RBFOX1: variants seen among roughly 807,000 people sequenced by gnomAD.
RBFOX1 encodes the protein RNA binding protein fox-1 homolog 1.
Under a neutral mutation model 57.7 loss-of-function variants are expected in RBFOX1, and 8 were observed. The observed-to-expected ratio is 0.14, with a 90% CI of 0.08 to 0.25. The LOEUF (loss-of-function observed/expected upper bound fraction) is 0.25, where lower values mean the gene tolerates loss of function less well. Ranked by LOEUF, RBFOX1 falls within the 10% of genes least tolerant of loss-of-function variation. The pLI is 1.00. For synonymous variants in RBFOX1, 326 were observed against 222.4 expected, an observed-to-expected ratio of 1.47 and a Z score of -4.15; for missense variants, 611 against 548.5, an observed-to-expected ratio of 1.11 and a Z score of -1.14.
chr16:6,393,004 C>T (rs894322258), intron 2 of RBFOX1, among the ~76,000 whole-genome samples: 3 of 152,158 alleles, frequency 2.0e-5, no homozygotes, highest in Non-Finnish European at 2.9e-5. Context: ...CAAGGAACTC[C>T]TGTCTTGTGT....
At chr16:5,983,607 G>A (rs910826868) in intron 4 of RBFOX1, among the ~76,000 whole-genome samples, 2 of 152,294 alleles carry the variant, frequency 1.3e-5, no homozygotes, top group South Asian at 2.1e-4. Flanking sequence ...CTCAGGAAGC[G>A]TGGTCCTTGT....
chr16:7,320,590 C>A (rs9935198), intron 4 of RBFOX1, among the ~76,000 whole-genome samples: 28,475 of 152,168 alleles, frequency 0.19, 4,399 homozygotes, highest in African/African-American at 0.43. Flanking sequence ...TAATGGACAG[C>A]TACCCAAATC....
intron 3 of RBFOX1, among the ~76,000 whole-genome samples, chr16:5,784,375 C>T (rs1011263265): frequency 2.6e-5 from 4 of 151,776 alleles, no homozygotes; most frequent in Non-Finnish European, 4.4e-5. Context: ...TGCAGTGAGC[C>T]GAGATCGCAC....
intron 2 of RBFOX1, among the ~76,000 whole-genome samples, chr16:6,341,543 C>T (rs1322798105): frequency 6.6e-6 from 1 of 152,114 alleles, no homozygotes; most frequent in Non-Finnish European, 1.5e-5. Flanking sequence ...CAAAAGGATT[C>T]CTAATTTTGC....
chr16:7,250,822 G>A (rs543372508), intron 4 of RBFOX1, among the ~76,000 whole-genome samples: 3 of 152,240 alleles, frequency 2.0e-5, no homozygotes, highest in South Asian at 4.1e-4. Context: ...TGGCTACTCT[G>A]TTTCCTTCTT....
At chr16:7,008,506 C>T (rs903667558) in intron 3 of RBFOX1, among the ~76,000 whole-genome samples, 10 of 152,052 alleles carry the variant, frequency 6.6e-5, no homozygotes, top group Non-Finnish European at 1.0e-4. Flanking sequence ...TACCACTGCA[C>T]TCCAGCCTGG....
chr16:7,015,337 C>G (rs556228107), intron 3 of RBFOX1, among the ~76,000 whole-genome samples: 1 of 151,992 alleles, frequency 6.6e-6, no homozygotes, highest in Non-Finnish European at 1.5e-5. Flanking sequence ...AGATCTGGAG[C>G]TTGGCTTCTT....
chr16:7,371,719 C>T (rs1258851284), intron 4 of RBFOX1, among the ~76,000 whole-genome samples: 2 of 152,024 alleles, frequency 1.3e-5, no homozygotes, highest in Non-Finnish European at 2.9e-5. Context: ...CACTGCACTC[C>T]AGCCTGGGCG....
At chr16:6,650,247 G>C (rs765750065) in intron 2 of RBFOX1, among the ~76,000 whole-genome samples, 33 of 151,944 alleles carry the variant, frequency 2.2e-4, no homozygotes, top group Non-Finnish European at 4.4e-4. Flanking sequence ...TGCTTCTCCA[G>C]GTTTTTTTGT....
chr16:6,239,940 G>T (rs1251217624), intron 1 of RBFOX1, among the ~76,000 whole-genome samples: 2 of 152,164 alleles, frequency 1.3e-5, no homozygotes, highest in South Asian at 2.1e-4. Flanking sequence ...ATCCCCAATG[G>T]TGGGGGGTGT....
At chr16:5,285,400 C>G (rs539525704) in intron 1 of RBFOX1, among the ~76,000 whole-genome samples, 2 of 152,048 alleles carry the variant, frequency 1.3e-5, no homozygotes, top group Non-Finnish European at 2.9e-5. Context: ...TCTCTTATAT[C>G]TCCCTGAGTT....
intron 3 of RBFOX1, among the ~76,000 whole-genome samples, chr16:6,954,512 G>A (rs1226148107): frequency 6.6e-6 from 1 of 152,134 alleles, no homozygotes; most frequent in African/African-American, 2.4e-5. Context: ...TTAATAAAAA[G>A]GGGGTAGTTG....
intron 3 of RBFOX1, among the ~76,000 whole-genome samples, chr16:6,676,673 C>CTTTTTTTT (rs756578276): frequency 1.9e-5 from 2 of 103,548 alleles, no homozygotes; most frequent in Non-Finnish European, 1.9e-5. Context: ...TTTTTCTTTT[C>CTTTTTTTT]TTTTTTTTTT....
chr16:6,865,882 T>G (rs929916042), intron 3 of RBFOX1, among the ~76,000 whole-genome samples: 1 of 152,220 alleles, frequency 6.6e-6, no homozygotes, highest in East Asian at 1.9e-4. Flanking sequence ...ACAAGTCTTT[T>G]GCCTTCTAAG....
At chr16:7,318,351 G>T (rs868185282) in intron 4 of RBFOX1, among the ~76,000 whole-genome samples, 2 of 152,104 alleles carry the variant, frequency 1.3e-5, no homozygotes, top group Middle Eastern at 6.8e-3. Context: ...GATGGTGGTA[G>T]TTGCAGTGGT....
rs559294177 is a variant in RBFOX1, at chr16:5,479,091, G to C, written c.258+11837G>C. 2.0e-5 allele frequency among the ~76,000 whole-genome samples: 3 copies of C among 152,282 alleles called. No homozygotes were observed. In the East Asian group the frequency reaches 5.8e-4, roughly 29 times the overall value. On this transcript the variant is annotated intron_variant, in intron 2 of 2. Coordinates refer to the RBFOX1 transcript ENST00000585867. ...CAGGACCCTGGCTGCCACAAGGGGT[G>C]AGAGACGGCTTATTCCATTACATAA...
At chr16:6,136,488 T>C (rs193070762) in intron 1 of RBFOX1, among the ~76,000 whole-genome samples, 50 of 152,340 alleles carry the variant, frequency 3.3e-4, no homozygotes, top group African/African-American at 1.1e-3. Flanking sequence ...GCTTCATTTT[T>C]TATGCTGTCT....
intron 2 of RBFOX1, among the ~76,000 whole-genome samples, chr16:6,458,465 C>A (rs955684527): frequency 2.0e-5 from 3 of 152,186 alleles, no homozygotes; most frequent in African/African-American, 4.8e-5. Flanking sequence ...AAAGAGCTTG[C>A]CATGACACCA....
chr16:5,890,697 GAAAA>G (rs71404558), intron 4 of RBFOX1, among the ~76,000 whole-genome samples: 2 of 61,498 alleles, frequency 3.3e-5, no homozygotes, highest in South Asian at 8.4e-4. Context: ...AGTCTGTATT[GAAAA>G]AAAAAAAAAA....
Sources: allele counts gnomAD v4.1 joint callset (sites outside exome capture counted in the v4.1 genomes callset), GRCh38; gene constraint gnomAD v4.1.1; transcripts MANE v1.5; gene names NCBI Gene and HGNC (gene_info 2026-07-23, HGNC 2026-07-21).